Variants in FAM186B observed in about 807,000 individuals in gnomAD.
The protein encoded by FAM186B is family with sequence similarity 186 member B.
Under a neutral mutation model 83.4 loss-of-function variants are expected in FAM186B, and 68 were observed. That is an observed-to-expected ratio of 0.81 (90% CI 0.67 to 1.00). The LOEUF (loss-of-function observed/expected upper bound fraction) is 1.00, where lower values mean the gene tolerates loss of function less well. Among genes scored for constraint, FAM186B ranks in the 50% least tolerant of loss-of-function variants. The probability of loss-of-function intolerance (pLI) is 0.00; values close to 1 mark genes in which losing one functional copy is unlikely to be tolerated. For synonymous variants in FAM186B, 389 were observed against 422.0 expected (o/e 0.92, Z 0.96); for missense variants, 983 against 1,099.2 (o/e 0.89, Z 1.49).
intron 2 of FAM186B, 108 bp downstream of exon 2, chr12:49,604,205 A>G: frequency 1.2e-6 from 1 of 817,646 alleles, no homozygotes; most frequent in Non-Finnish European, 2.0e-6. Context: ...CTGTGACACG[A>G]GTGGTGGAAT....
At chr12:49,586,879 T>C (rs535712752), downstream of FAM186B, among the ~76,000 whole-genome samples, 1 of 152,232 alleles carries the variant, frequency 6.6e-6, no homozygotes, top group East Asian at 1.9e-4. Flanking sequence ...AGGTCTCCAG[T>C]TGGAGGATGG....
At chr12:49,612,533 G>T in the FAM186B span, among the ~76,000 whole-genome samples, 6 of 150,396 alleles carry the variant, frequency 4.0e-5, no homozygotes, top group Non-Finnish European at 5.9e-5. Flanking sequence ...TTTTTTATGT[G>T]TGTTTTTTTT....
the FAM186B span, among the ~76,000 whole-genome samples, chr12:49,619,770 G>T: frequency 6.8e-6 from 1 of 146,188 alleles, no homozygotes. Context: ...TGCCTCTCGA[G>T]TTCAAGTGAC....
chr12:49,598,726 T>C, intron 5 of FAM186B, 29 bp downstream of exon 5: 1 of 1,519,910 alleles, frequency 6.6e-7, no homozygotes, highest in Non-Finnish European at 8.8e-7. Context: ...GGAGGCGGAG[T>C]GGCGGGGGGG....
chr12:49,597,271 T>G (rs1939749671), intron 5 of FAM186B, among the ~76,000 whole-genome samples: 2 of 152,196 alleles, frequency 1.3e-5, no homozygotes, highest in African/African-American at 4.8e-5. Flanking sequence ...AGTGGAATAT[T>G]ATTCAGCCTT....
chr12:49,588,834 G>C (rs117960076), intron 5 of FAM186B, among the ~76,000 whole-genome samples: 2,272 of 152,294 alleles, frequency 0.015, 30 homozygotes, highest in Non-Finnish European at 0.023. Flanking sequence ...TGCTGTGTTA[G>C]TTCCTGTTTT....
chr12:49,592,817 G>T (rs1033584911), intron 5 of FAM186B, among the ~76,000 whole-genome samples: 3 of 151,842 alleles, frequency 2.0e-5, no homozygotes, highest in African/African-American at 7.3e-5. Flanking sequence ...AAAACAAAGA[G>T]GTATGGCTAA....
rs769568724 is a variant in FAM186B at position 49,605,461 on chromosome 12, G to C, written c.17C>G (p.Pro6Arg). The change falls in exon 1 of 7, where the codon CCC (proline) becomes CGC (arginine). Residue 6 changes from proline (P) to arginine (R), a missense_variant. Pro to Arg is a moderately radical substitution (Grantham distance 103). Transcript: ENST00000257894. Reference sequence around the variant, plus strand: ...TGATGTGGGAGTCACCAACTGTGGGGGGTCATCCTTCTCCATTTTGGATCA... The same window carrying C: ...TGATGTGGGAGTCACCAACTGTGGGCGGTCATCCTTCTCCATTTTGGATCA... The part of the protein sequence containing the change: MEKDD[P>R]PQLVTPTSVK... 6.2e-7 allele frequency: 1 copy of C among 1,613,666 alleles called. No individual in the cohort carries two copies. The highest frequency in any genetic ancestry group is 1.1e-5 in the South Asian group (1 of 90,876).
In FAM186B at chr12:49,599,882, A is replaced by G. The variant is rs1240390239; in HGVS notation, c.1758T>C (p.Ala586=). ...LVPAPSRTQS[A]HQSRRPHLPM... is the part of the protein sequence containing the mutation. ...GCAAGTGTGGCCTCCTGCTTTGGTGAGCAGATTGGGTCCGGCTTGGGGCAG... is the reference window on the plus strand; with the variant it reads ...GCAAGTGTGGCCTCCTGCTTTGGTGGGCAGATTGGGTCCGGCTTGGGGCAG... The change falls in exon 4 of 7, where the codon GCT becomes GCC. Residue 586 remains alanine (A), a synonymous_variant. Transcript: ENST00000257894. 3.7e-6 allele frequency: 6 copies of G among 1,609,562 alleles called. No individual in the cohort carries two copies. The highest frequency in any genetic ancestry group is 4.2e-6 in the Non-Finnish European group (5 of 1,177,652).
At position 49,603,175 on chromosome 12, in the gene FAM186B, T is replaced by A; in HGVS notation, c.505+10A>T. 2 of 1,614,178 alleles carry A rather than the reference T, an allele frequency of 1.2e-6. No individual in the cohort carries two copies. Among genetic ancestry groups the A allele is most frequent in the Non-Finnish European group, 1.7e-6 (2 of 1,180,014 alleles). On this transcript the variant is annotated intron_variant, in intron 3 of 6. Transcript: ENST00000257894. Reference sequence around the variant, plus strand: ...ACCTAGCTCCCTGGCCAGGTGCTCCTAGAACCTACCTTGTGACCTTTTCTT... The same window carrying A: ...ACCTAGCTCCCTGGCCAGGTGCTCCAAGAACCTACCTTGTGACCTTTTCTT...
chr12:49,599,053 G>C lies in FAM186B; in HGVS notation c.2172-106C>G. On this transcript the variant is annotated intron_variant, in intron 4 of 6. Transcript: ENST00000257894. ...TTTCTTTAATTCCTTAGAGCAAAAAGAGAAATGGAGGCTGGTGAGAGCTGG... is the reference window on the plus strand; with the variant it reads ...TTTCTTTAATTCCTTAGAGCAAAAACAGAAATGGAGGCTGGTGAGAGCTGG... 3 of 1,186,988 alleles carry C rather than the reference G, an allele frequency of 2.5e-6. No individual in the cohort carries two copies. The South Asian group carries it at 4.6e-5, about 18-fold the overall frequency. The allele number at this position is 1,186,988 out of a possible 1,614,324, so 73.5% of individuals were successfully genotyped here.
upstream of FAM186B, chr12:49,605,758 CTT>C (rs1222575062): frequency 6.0e-3 from 909 of 150,644 alleles, no homozygotes; most frequent in South Asian, 0.018. Flanking sequence ...GTTGCCTTTT[CTT>C]TTTTTTTTTT....
chr12:49,615,722 A>AAGGCTGCAGTG, the FAM186B span, among the ~76,000 whole-genome samples: 1 of 152,074 alleles, frequency 6.6e-6, no homozygotes, highest in Non-Finnish European at 1.5e-5. Context: ...CAGGGAAGTC[A>AAGGCTGCAGTG]AGGCTGCAGT....
chr12:49,612,626 G>T, the FAM186B span, among the ~76,000 whole-genome samples: 1 of 151,904 alleles, frequency 6.6e-6, no homozygotes, highest in East Asian at 1.9e-4. Context: ...GCCCAGGGAA[G>T]CCAAAAGATT....
intron 5 of FAM186B, among the ~76,000 whole-genome samples, chr12:49,590,080 T>A (rs915700040): frequency 9.2e-5 from 14 of 152,006 alleles, no homozygotes; most frequent in East Asian, 1.9e-4. Flanking sequence ...CTTTTTTTTT[T>A]AATTGTATAC....
downstream of FAM186B, among the ~76,000 whole-genome samples, chr12:49,585,074 A>G (rs1939412198): frequency 6.6e-6 from 1 of 152,050 alleles, no homozygotes; most frequent in South Asian, 2.1e-4. Flanking sequence ...GCTGGAGTGC[A>G]GTGGCGCAAT....
At position 49,599,918 on chromosome 12, in the gene FAM186B, T is replaced by C. The variant is rs200786079; in HGVS notation, c.1722A>G (p.Leu574=). 53 of 1,613,382 alleles carry C rather than the reference T, an allele frequency of 3.3e-5. No individual in the cohort carries two copies. In the South Asian group the frequency reaches 4.2e-4, roughly 13 times the overall value. ...TCCGGCTTGGGGCAGGCACTAATGA[T>C]AGCTCTGCCTTCTCCAAGTCCCTCC... The part of the protein sequence containing the change: ...SRWRDLEKAE[L]SLVPAPSRTQ... The change falls in exon 4 of 7, where the codon CTA becomes CTG. Residue 574 remains leucine, a synonymous_variant. Coordinates refer to ENST00000257894, the MANE Select transcript of FAM186B (RefSeq NM_032130.3).
downstream of FAM186B, chr12:49,587,468 C>T: frequency 8.0e-7 from 1 of 1,244,578 alleles, no homozygotes; most frequent in South Asian, 1.3e-5. Context: ...AGGTTAGCCT[C>T]TCTCTATCTG....
chr12:49,589,560 G>A (rs777278786), intron 5 of FAM186B, among the ~76,000 whole-genome samples: 9 of 151,912 alleles, frequency 5.9e-5, no homozygotes, highest in Non-Finnish European at 1.0e-4. Context: ...ATTATTAATC[G>A]TCCCAAAGGG....
Sources: gnomAD v4.1 joint callset for allele counts (sites outside exome capture counted in the v4.1 genomes callset) on GRCh38, gnomAD v4.1.1 for gene constraint, MANE v1.5 for transcripts, NCBI Gene and HGNC (gene_info 2026-07-23, HGNC 2026-07-21) for gene names.